Variants in SEMA3C observed in about 807,000 individuals in gnomAD.
SEMA3C encodes semaphorin-3C.
A neutral mutation model predicts 89.4 loss-of-function variants in SEMA3C; 47 were observed. The observed-to-expected ratio is 0.53, with a 90% CI of 0.42 to 0.67. The LOEUF (loss-of-function observed/expected upper bound fraction) is 0.67, where lower values mean the gene tolerates loss of function less well. Among genes scored for constraint, SEMA3C ranks in the 30% least tolerant of loss-of-function variants. The pLI, the probability that SEMA3C is intolerant of heterozygous loss-of-function variation, is 0.00. For missense variants in SEMA3C, 839 were observed against 929.1 expected, an observed-to-expected ratio of 0.90 and a Z score of 1.26; for synonymous variants, 310 against 320.2, an observed-to-expected ratio of 0.97 and a Z score of 0.34.
chr7:80,898,090 A>G (rs762437254), intron 2 of SEMA3C, among the ~76,000 whole-genome samples: 1 of 152,148 alleles, frequency 6.6e-6, no homozygotes, highest in Admixed American at 6.5e-5. Flanking sequence ...TAAGCCAGGC[A>G]TGGTGGCTCA....
At chr7:80,861,880 CA>C (rs1215315686) in intron 2 of SEMA3C, among the ~76,000 whole-genome samples, 1 of 152,064 alleles carries the variant, frequency 6.6e-6, no homozygotes, top group East Asian at 1.9e-4. Context: ...AAGCATTTGA[CA>C]AAATCCAGCA....
intron 2 of SEMA3C, among the ~76,000 whole-genome samples, chr7:80,841,929 C>A (rs1790279537): frequency 6.6e-6 from 1 of 152,070 alleles, no homozygotes; most frequent in Non-Finnish European, 1.5e-5. Flanking sequence ...AACAAAAAAA[C>A]AAGTCTGCAG....
chr7:80,894,423 T>C (rs564856525), intron 2 of SEMA3C, among the ~76,000 whole-genome samples: 31 of 152,306 alleles, frequency 2.0e-4, no homozygotes, highest in Non-Finnish European at 4.0e-4. Flanking sequence ...TTACATGATT[T>C]AGTTTTTCAA....
At chr7:80,773,819 A>G (rs1788487181) in intron 12 of SEMA3C, among the ~76,000 whole-genome samples, 2 of 152,162 alleles carry the variant, frequency 1.3e-5, no homozygotes, top group Non-Finnish European at 2.9e-5. Flanking sequence ...GTCCTGGGCT[A>G]TATATGCAGG....
intron 2 of SEMA3C, among the ~76,000 whole-genome samples, chr7:80,863,830 GTGATATATATAT>G (rs1215397468): frequency 2.6e-3 from 264 of 102,672 alleles, no homozygotes; most frequent in Middle Eastern, 6.5e-3. Flanking sequence ...TATGTGATAT[GTGATATATATAT>G]CACATATCAC....
chr7:80,784,161 GT>G (rs1788750090), intron 12 of SEMA3C, among the ~76,000 whole-genome samples: 3 of 152,014 alleles, frequency 2.0e-5, no homozygotes, highest in Admixed American at 2.0e-4. Context: ...GTGTTACACA[GT>G]CTGCTTTGAA....
At chr7:80,849,340 G>A (rs1790458571) in intron 2 of SEMA3C, among the ~76,000 whole-genome samples, 1 of 151,068 alleles carries the variant, frequency 6.6e-6, no homozygotes, top group Non-Finnish European at 1.5e-5. Flanking sequence ...CTTTTGCTGA[G>A]TAGACAGCTA....
At chr7:80,789,097 T>C (rs1164870786) in intron 12 of SEMA3C, among the ~76,000 whole-genome samples, 1 of 152,046 alleles carries the variant, frequency 6.6e-6, no homozygotes, top group South Asian at 2.1e-4. Flanking sequence ...TCTATATATA[T>C]TCCTCACAAG....
chr7:80,846,946 G>A (rs957485524), intron 2 of SEMA3C, among the ~76,000 whole-genome samples: 60 of 152,198 alleles, frequency 3.9e-4, no homozygotes, highest in Non-Finnish European at 3.8e-4. Context: ...TTCTTTCCAC[G>A]GTAACACCTC....
chr7:80,851,455 G>A (rs906116602), intron 2 of SEMA3C, among the ~76,000 whole-genome samples: 1 of 143,858 alleles, frequency 7.0e-6, no homozygotes, highest in African/African-American at 2.6e-5. Context: ...AGTGAGCCGA[G>A]GTCGTGCCAC....
chr7:80,902,950 G>A (rs150671834), intron 2 of SEMA3C, among the ~76,000 whole-genome samples: 2 of 152,348 alleles, frequency 1.3e-5, no homozygotes, highest in Non-Finnish European at 2.9e-5. Flanking sequence ...AGAACGGTAA[G>A]AGCATAAGCC....
In SEMA3C at chr7:80,743,843, T is replaced by C. The variant is rs914803674; in HGVS notation, c.*1051A>G. The C allele has an allele frequency of 1.1e-4, 17 of 152,012 alleles. No homozygotes were observed. Among genetic ancestry groups the C allele is most frequent in the Non-Finnish European group, 8.8e-5 (6 of 67,886 alleles). The allele number at this position is 152,012 out of a possible 1,614,324, so 9.4% of individuals were successfully genotyped here. A position where few individuals can be genotyped will look rare whatever the true frequency, so the allele number is the denominator to read the frequency against. ...ATCACACTGAAAAGATCATAAAATATATAGTGTTGACTTAAAAATCAGTAT... is the reference window on the plus strand; with the variant it reads ...ATCACACTGAAAAGATCATAAAATACATAGTGTTGACTTAAAAATCAGTAT... On this transcript the variant is annotated 3_prime_UTR_variant, in exon 18 of 18. Transcript: ENST00000265361.
chr7:80,890,269 AT>A (rs1411867519), intron 2 of SEMA3C, among the ~76,000 whole-genome samples: 1 of 152,184 alleles, frequency 6.6e-6, no homozygotes, highest in East Asian at 1.9e-4. Context: ...ATACAGGCAA[AT>A]ATTTTCTGAA....
At position 80,803,232 on chromosome 7, in the gene SEMA3C, A is replaced by G. The variant is rs1789251385; in HGVS notation, c.802-453T>C. Among the ~76,000 whole-genome samples the G allele has an allele frequency of 6.6e-5, 10 of 152,224 alleles. No individual in the cohort carries two copies. In the South Asian group the frequency reaches 2.1e-3, roughly 32 times the overall value. Reference sequence around the variant, plus strand: ...CCAACAGTTTTACATTCACTCCTTCATTTATCCAAATTATCACATAATTTT... The same window carrying G: ...CCAACAGTTTTACATTCACTCCTTCGTTTATCCAAATTATCACATAATTTT... On this transcript the variant is annotated intron_variant, in intron 8 of 17. Transcript: ENST00000265361.
At chr7:80,773,683 C>T (rs2117077688) in intron 12 of SEMA3C, among the ~76,000 whole-genome samples, 1 of 152,118 alleles carries the variant, frequency 6.6e-6, no homozygotes, top group Middle Eastern at 3.4e-3. Context: ...GATGAGGAGG[C>T]AGATATGAAA....
chr7:80,815,200 C>G (rs1166698544), intron 5 of SEMA3C, among the ~76,000 whole-genome samples: 1 of 151,976 alleles, frequency 6.6e-6, no homozygotes, highest in Non-Finnish European at 1.5e-5. Context: ...GTAGGCATAG[C>G]AAAGTGTCCT....
At chr7:80,795,479 G>A (rs1047404018) in intron 11 of SEMA3C, among the ~76,000 whole-genome samples, 16 of 151,764 alleles carry the variant, frequency 1.1e-4, no homozygotes, top group South Asian at 2.1e-4. Context: ...CTTTTTTCAC[G>A]GAGTCTGTTG....
chr7:80,787,761 A>G (rs977887611), intron 12 of SEMA3C, among the ~76,000 whole-genome samples: 2 of 152,236 alleles, frequency 1.3e-5, no homozygotes, highest in African/African-American at 4.8e-5. Context: ...AGTGAGTAAG[A>G]ATATAATTGA....
At chr7:80,890,040 C>T (rs766397025) in intron 2 of SEMA3C, among the ~76,000 whole-genome samples, 3 of 152,080 alleles carry the variant, frequency 2.0e-5, no homozygotes, top group Non-Finnish European at 4.4e-5. Context: ...TAAGAGAAAC[C>T]ATTTGTTTTC....
Sources: gnomAD v4.1 joint callset for allele counts (sites outside exome capture counted in the v4.1 genomes callset) on GRCh38, gnomAD v4.1.1 for gene constraint, MANE v1.5 for transcripts, NCBI Gene and HGNC (gene_info 2026-07-23, HGNC 2026-07-21) for gene names.